Variants in MYO3B observed in about 807,000 individuals in gnomAD.
MYO3B encodes the protein myosin IIIB.
Under a neutral mutation model 174.6 loss-of-function variants are expected in MYO3B, and 156 were observed. The ratio of observed to expected loss-of-function variants is 0.89; its 90% CI spans 0.78 to 1.02. MYO3B has a LOEUF of 1.02. Among genes scored for constraint, MYO3B ranks in the 50% least tolerant of loss-of-function variants. The pLI is 0.00. For synonymous variants in MYO3B, 563 were observed against 569.1 expected (o/e 0.99, Z 0.15); for missense variants, 1,632 against 1,639.4 (o/e 1.00, Z 0.08).
intron 32 of MYO3B, among the ~76,000 whole-genome samples, chr2:170,551,394 G>A (rs968204781): frequency 1.2e-3 from 50 of 42,604 alleles, no homozygotes; most frequent in African/African-American, 4.2e-3. Context: ...ATTTTTAGGT[G>A]GAGTCTTACT....
At chr2:170,247,519 A>G (rs2093204969) in intron 7 of MYO3B, among the ~76,000 whole-genome samples, 1 of 152,208 alleles carries the variant, frequency 6.6e-6, no homozygotes, top group African/African-American at 2.4e-5. Flanking sequence ...CACGCCAAGC[A>G]ACTGGCCTAT....
At chr2:170,445,376 T>C (rs1434912127) in intron 23 of MYO3B, among the ~76,000 whole-genome samples, 2 of 152,056 alleles carry the variant, frequency 1.3e-5, no homozygotes, top group African/African-American at 2.4e-5. Flanking sequence ...AGTTTCACTC[T>C]TGTTGCCCAG....
intron 32 of MYO3B, chr2:170,601,839 T>G: frequency 1.0e-6 from 1 of 961,738 alleles, no homozygotes; most frequent in Non-Finnish European, 1.6e-6. Flanking sequence ...TCCACATCTC[T>G]ACCAGTTTCT....
At chr2:170,356,753 T>C (rs1003689367) in intron 8 of MYO3B, among the ~76,000 whole-genome samples, 3 of 152,090 alleles carry the variant, frequency 2.0e-5, no homozygotes, top group African/African-American at 7.2e-5. Context: ...TGCTGGTCTG[T>C]TTTATTTATT....
chr2:170,596,033 A>G (rs1256160648), intron 32 of MYO3B, among the ~76,000 whole-genome samples: 3 of 152,194 alleles, frequency 2.0e-5, no homozygotes, highest in Non-Finnish European at 4.4e-5. Context: ...TGTTGATGCT[A>G]TATTTTGAAA....
chr2:170,516,276 C>T (rs780195576), intron 29 of MYO3B, among the ~76,000 whole-genome samples: 2 of 152,056 alleles, frequency 1.3e-5, no homozygotes, highest in Non-Finnish European at 2.9e-5. Flanking sequence ...GCAACACCTC[C>T]TAATGGTGTT....
intron 22 of MYO3B, among the ~76,000 whole-genome samples, chr2:170,431,664 G>A (rs1438618612): frequency 1.3e-5 from 2 of 152,228 alleles, no homozygotes; most frequent in Non-Finnish European, 2.9e-5. Flanking sequence ...TAATAGGGAA[G>A]GGATTTCTTT....
chr2:170,629,585 C>G (rs12616654), intron 32 of MYO3B, among the ~76,000 whole-genome samples: 19,500 of 152,192 alleles, frequency 0.13, 1,423 homozygotes, highest in East Asian at 0.3. Context: ...TGCGGTGGCT[C>G]ACACCTGTAA....
At chr2:170,304,634 C>T (rs926598446) in intron 7 of MYO3B, among the ~76,000 whole-genome samples, 2 of 151,248 alleles carry the variant, frequency 1.3e-5, no homozygotes, top group African/African-American at 2.4e-5. Context: ...ACTCAGCTAA[C>T]TTTTGTATTT....
intron 16 of MYO3B, among the ~76,000 whole-genome samples, chr2:170,396,093 G>A (rs371794896): frequency 3.5e-4 from 53 of 152,310 alleles, no homozygotes; most frequent in East Asian, 3.1e-3. Context: ...GAGAAACCCA[G>A]TTGGAGGACT....
At chr2:170,269,371 C>T (rs17424866) in intron 7 of MYO3B, among the ~76,000 whole-genome samples, 3,171 of 152,280 alleles carry the variant, frequency 0.021, 60 homozygotes, top group Non-Finnish European at 0.034. Context: ...CTTACCACTT[C>T]AGAACCTAAA....
intron 25 of MYO3B, among the ~76,000 whole-genome samples, chr2:170,497,504 T>A (rs1228865813): frequency 1.3e-5 from 2 of 151,966 alleles, no homozygotes; most frequent in Admixed American, 1.3e-4. Flanking sequence ...TAGTCCCAGC[T>A]ACTCAGGACG....
At chr2:170,299,795 T>A (rs2093653828) in intron 7 of MYO3B, among the ~76,000 whole-genome samples, 1 of 152,192 alleles carries the variant, frequency 6.6e-6, no homozygotes, top group Admixed American at 6.5e-5. Flanking sequence ...GTAAAGATAT[T>A]TTCATCGTGG....
chr2:170,636,103 T>G (rs1425016601), intron 32 of MYO3B, among the ~76,000 whole-genome samples: 1 of 152,216 alleles, frequency 6.6e-6, no homozygotes, highest in East Asian at 1.9e-4. Flanking sequence ...CTGTGCCCCA[T>G]ACTTTAGATC....
intron 7 of MYO3B, among the ~76,000 whole-genome samples, chr2:170,304,327 T>C (rs1045050910): frequency 2.0e-5 from 3 of 152,176 alleles, no homozygotes; most frequent in African/African-American, 7.2e-5. Context: ...TCCAATATGA[T>C]GGATAAAATT....
At chr2:170,269,926 T>C (rs545215108) in intron 7 of MYO3B, among the ~76,000 whole-genome samples, 3 of 152,302 alleles carry the variant, frequency 2.0e-5, no homozygotes, top group African/African-American at 7.2e-5. Context: ...CAGGAATAAT[T>C]TGTATTTCTA....
At chr2:170,401,917 C>T (rs2094480064) in intron 18 of MYO3B, among the ~76,000 whole-genome samples, 1 of 151,082 alleles carries the variant, frequency 6.6e-6, no homozygotes, top group Non-Finnish European at 1.5e-5. Flanking sequence ...ATTCAACTGC[C>T]TCCGCCTCTT....
intron 25 of MYO3B, among the ~76,000 whole-genome samples, chr2:170,497,752 G>T (rs1386049413): frequency 6.6e-6 from 1 of 151,736 alleles, no homozygotes; most frequent in African/African-American, 2.4e-5. Context: ...TTGTTCTAGG[G>T]GCCTCAGCTG....
intron 7 of MYO3B, among the ~76,000 whole-genome samples, chr2:170,303,414 G>T (rs916701596): frequency 6.6e-6 from 1 of 152,002 alleles, no homozygotes; most frequent in East Asian, 1.9e-4. Flanking sequence ...GTAAAAAATG[G>T]TATTTCACAT....
Sources: gnomAD v4.1 joint callset for allele counts (sites outside exome capture counted in the v4.1 genomes callset) on GRCh38, gnomAD v4.1.1 for gene constraint, MANE v1.5 for transcripts, NCBI Gene and HGNC (gene_info 2026-07-23, HGNC 2026-07-21) for gene names.